The following LAMA2 variants were observed in gnomAD, a reference collection of about 807,000 sequenced individuals.
The protein encoded by LAMA2 is laminin subunit alpha 2, also known as laminin subunit alpha-2.
Under a neutral mutation model 364.8 loss-of-function variants are expected in LAMA2, and 269 were observed. The observed-to-expected ratio is 0.74, with a 90% CI of 0.67 to 0.82. The LOEUF (loss-of-function observed/expected upper bound fraction) is 0.82, where lower values mean the gene tolerates loss of function less well. Ranked by LOEUF, LAMA2 falls within the 40% of genes least tolerant of loss-of-function variation. The pLI is 0.00. For synonymous variants in LAMA2, 1,379 were observed against 1,370.6 expected (o/e 1.01, Z -0.14); for missense variants, 3,807 against 3,873.2 (o/e 0.98, Z 0.45).
At chr6:129,231,640 C>A (rs1417588876) in intron 12 of LAMA2, among the ~76,000 whole-genome samples, 2 of 152,098 alleles carry the variant, frequency 1.3e-5, no homozygotes, top group African/African-American at 4.8e-5. Context: ...CACGTTTTTT[C>A]TAGGCATACA....
chr6:128,883,813 C>A (rs375169011), intron 1 of LAMA2, among the ~76,000 whole-genome samples: 2 of 137,482 alleles, frequency 1.5e-5, no homozygotes, highest in Admixed American at 1.4e-4. Flanking sequence ...CACACACACA[C>A]ACACACACAC....
At chr6:129,053,709 A>G (rs531677637) in intron 2 of LAMA2, among the ~76,000 whole-genome samples, 48 of 152,350 alleles carry the variant, frequency 3.2e-4, no homozygotes, top group African/African-American at 1.1e-3. Context: ...CAACATGGCC[A>G]TCCATTGAAC....
rs192038550 is a variant in LAMA2 at position 129,224,212 on chromosome 6, G to C, written c.1783-25900G>C. 2.2e-3 allele frequency among the ~76,000 whole-genome samples: 335 copies of C among 152,202 alleles called. 3 individuals carry two copies. Among genetic ancestry groups the C allele is most frequent in the African/African-American group, 7.6e-3 (316 of 41,548 alleles). ...ATTGATTTTGTATCCTGAGACTTTG[G>C]TGAAGTTGCTTATCAGCTTTAGGAG... On this transcript the variant is annotated intron_variant, in intron 12 of 64. Transcript: ENST00000421865.
chr6:129,446,280 G>A (rs968909054), intron 45 of LAMA2, among the ~76,000 whole-genome samples: 2 of 151,362 alleles, frequency 1.3e-5, no homozygotes, highest in Non-Finnish European at 2.9e-5. Context: ...CTTTTGTCTG[G>A]TATAAACAAC....
chr6:129,492,488 G>A lies in LAMA2; in HGVS notation c.8244+5G>A, dbSNP rs1231513642. 2 of 1,612,288 alleles carry A rather than the reference G, an allele frequency of 1.2e-6. No homozygotes were observed. Among genetic ancestry groups the A allele is most frequent in the East Asian group, 2.2e-5 (1 of 44,864 alleles). On this transcript the variant is annotated splice_donor_5th_base_variant and intron_variant, in intron 58 of 64. Transcript: ENST00000421865. The stretch of plus-strand genomic sequence containing the variant: ...CCCACCCCAGTTCTGACACATGTAA[G>A]TGTTTATATTATCCCCATTGCTTTC...
At chr6:129,260,301 A>G (rs1787027707) in intron 14 of LAMA2, among the ~76,000 whole-genome samples, 1 of 152,166 alleles carries the variant, frequency 6.6e-6, no homozygotes, top group Non-Finnish European at 1.5e-5. Context: ...AAAAGCTAAG[A>G]TGGAATATTA....
At position 129,251,082 on chromosome 6, in the gene LAMA2, A is replaced by AT. The variant is rs1786200104; in HGVS notation, c.1884+870dup. Reference sequence around the variant, plus strand: ...TCTCTCTCTCTCTCTCTCTCTATATATATATATATATATATATATATATGG... The same window carrying AT: ...TCTCTCTCTCTCTCTCTCTCTATATATTATATATATATATATATATATATGG... On this transcript the variant is annotated intron_variant, in intron 13 of 64. Transcript: ENST00000421865. Among the ~76,000 whole-genome samples, 2 of 77,980 alleles carry AT rather than the reference A, an allele frequency of 2.6e-5. 1 individual carries two copies. The highest frequency in any genetic ancestry group is 9.8e-4 in the South Asian group (2 of 2,050). 51.2% of individuals were successfully genotyped at this position (77,980 alleles called of 152,430 possible).
chr6:128,916,215 AAAAAAC>A lies in LAMA2; in HGVS notation c.112+32876_112+32881del, dbSNP rs532020235. On this transcript the variant is annotated intron_variant, in intron 1 of 64. Transcript: ENST00000421865. ...AGCATAATAGCCAGGTGAACAACAA[AAAAAAC>A]AAAAACAAAAACAAAAAAACTATTT... Among the ~76,000 whole-genome samples, 391 of 152,256 alleles carry A rather than the reference AAAAAAC, an allele frequency of 2.6e-3. 2 individuals are homozygous for A. Among genetic ancestry groups the A allele is most frequent in the Non-Finnish European group, 3.2e-3 (220 of 68,016 alleles).
chr6:129,348,836 A>G (rs1776703479), intron 30 of LAMA2, among the ~76,000 whole-genome samples: 1 of 152,174 alleles, frequency 6.6e-6, no homozygotes, highest in African/African-American at 2.4e-5. Context: ...GTCTTGAAGC[A>G]CCAGTGGCCA....
At chr6:129,289,205 C>T (rs907986604) in intron 19 of LAMA2, among the ~76,000 whole-genome samples, 1 of 152,160 alleles carries the variant, frequency 6.6e-6, no homozygotes, top group Non-Finnish European at 1.5e-5. Context: ...AAATTTCCAA[C>T]AGCTCAGTGC....
intron 12 of LAMA2, among the ~76,000 whole-genome samples, chr6:129,229,056 A>G (rs146516214): frequency 2.2e-4 from 33 of 152,316 alleles, no homozygotes; most frequent in African/African-American, 7.5e-4. Context: ...TGGTGGTTTG[A>G]TTCCAGTTAT....
rs545392600 is a variant in LAMA2 at position 129,274,503 on chromosome 6, A to G, written c.2450+3752A>G. ...ATAGTTTTACCTTGGTGATTTATCT[A>G]TTTAATCCCTGGTCATAAATCTTAT... is the stretch of plus-strand genomic sequence containing the variant. On this transcript the variant is annotated intron_variant, in intron 17 of 64. Coordinates refer to ENST00000421865, the MANE Select transcript of LAMA2 (RefSeq NM_000426.4). Among the ~76,000 whole-genome samples, 7 of 152,040 alleles carry G rather than the reference A, an allele frequency of 4.6e-5. No homozygotes were observed. In the East Asian group the frequency reaches 1.4e-3, roughly 29 times the overall value.
intron 1 of LAMA2, among the ~76,000 whole-genome samples, chr6:128,980,331 C>G (rs933221368): frequency 6.6e-6 from 1 of 152,192 alleles, no homozygotes; most frequent in Admixed American, 6.5e-5. Context: ...AATGTCAATA[C>G]TGCACAAATA....
rs772796883 is a variant in LAMA2 at position 129,149,099 on chromosome 6, A to G, written c.1027+3A>G. 6 of 1,558,800 alleles carry G rather than the reference A, an allele frequency of 3.8e-6. No individual in the cohort carries two copies. The African/African-American group carries it at 4.1e-5, about 11-fold the overall frequency. The stretch of plus-strand genomic sequence containing the variant: ...TCTAACTAAAACTGAATGTGAAGGT[A>G]TGTTCTTTAGAAGCCAACAAAATAT... On this transcript the variant is annotated splice_donor_region_variant and intron_variant, in intron 7 of 64. Coordinates refer to ENST00000421865, the MANE Select transcript of LAMA2 (RefSeq NM_000426.4).
At chr6:129,454,692 A>C (rs1782866136) in intron 47 of LAMA2, among the ~76,000 whole-genome samples, 1 of 152,186 alleles carries the variant, frequency 6.6e-6, no homozygotes, top group South Asian at 2.1e-4. Flanking sequence ...CCATAGAAAA[A>C]TGCAGTTTCA....
At chr6:129,495,944 CA>C (rs1322952296) in intron 58 of LAMA2, among the ~76,000 whole-genome samples, 1 of 151,804 alleles carries the variant, frequency 6.6e-6, no homozygotes. Flanking sequence ...GAGACAGAAG[CA>C]AAAAGTTGAG....
intron 16 of LAMA2, among the ~76,000 whole-genome samples, chr6:129,270,135 G>A (rs1301605003): frequency 6.6e-6 from 1 of 151,958 alleles, no homozygotes; most frequent in Non-Finnish European, 1.5e-5. Flanking sequence ...GAGCTAAGAG[G>A]CCATAGCCCC....
At chr6:129,443,145 A>G (rs1444807951) in intron 44 of LAMA2, 77 bp downstream of exon 44, 7 of 1,091,018 alleles carry the variant, frequency 6.4e-6, no homozygotes, top group African/African-American at 6.4e-5. Context: ...TCAGCTTTGC[A>G]TGTACTATAT....
intron 8 of LAMA2, among the ~76,000 whole-genome samples, chr6:129,164,350 CT>C (rs1779614449): frequency 6.6e-6 from 1 of 152,196 alleles, no homozygotes; most frequent in African/African-American, 2.4e-5. Flanking sequence ...TTATTTATTT[CT>C]GGAGTTTTCC....
Sources: gnomAD v4.1 joint callset for allele counts (sites outside exome capture counted in the v4.1 genomes callset) on GRCh38, gnomAD v4.1.1 for gene constraint, MANE v1.5 for transcripts, NCBI Gene and HGNC (gene_info 2026-07-23, HGNC 2026-07-21) for gene names.